Variants in PRKG1 observed in about 807,000 individuals in gnomAD.
PRKG1 encodes the protein cGMP-dependent protein kinase 1.
Under a neutral mutation model 88.1 loss-of-function variants are expected in PRKG1, and 35 were observed. The observed-to-expected ratio is 0.40, with a 90% CI of 0.30 to 0.53. PRKG1 has a LOEUF of 0.53. Ranked by LOEUF, PRKG1 falls within the 20% of genes least tolerant of loss-of-function variation. The probability of loss-of-function intolerance (pLI) is 0.59; values close to 1 mark genes in which losing one functional copy is unlikely to be tolerated. For synonymous variants in PRKG1, 303 were observed against 292.5 expected (o/e 1.04, Z -0.37); for missense variants, 540 against 839.8 (o/e 0.64, Z 4.41).
intron 4 of PRKG1, among the ~76,000 whole-genome samples, chr10:51,874,659 G>A (rs10508956): frequency 0.18 from 27,411 of 152,106 alleles, 3,059 homozygotes; most frequent in Non-Finnish European, 0.24. Flanking sequence ...ATAATCACAA[G>A]CTATAGCAAG....
intron 2 of PRKG1, among the ~76,000 whole-genome samples, chr10:51,341,486 G>A (rs541757305): frequency 6.6e-6 from 1 of 152,110 alleles, no homozygotes; most frequent in Non-Finnish European, 1.5e-5. Context: ...GATACTTTAA[G>A]GATCCCTAAC....
At chr10:51,679,720 T>A (rs1216704607) in intron 3 of PRKG1, among the ~76,000 whole-genome samples, 3 of 122,754 alleles carry the variant, frequency 2.4e-5, no homozygotes, top group South Asian at 5.1e-4. Context: ...TTTTTTTTTT[T>A]AATGTTTTTT....
At chr10:51,698,206 C>T (rs1308967155) in intron 3 of PRKG1, 2 of 1,614,148 alleles carry the variant, frequency 1.2e-6, no homozygotes, top group South Asian at 2.2e-5. Flanking sequence ...CCCTTGCTTC[C>T]ATCCCTCTGG....
At chr10:52,263,103 CT>C (rs1466818947) in intron 10 of PRKG1, among the ~76,000 whole-genome samples, 2 of 151,824 alleles carry the variant, frequency 1.3e-5, no homozygotes, top group Non-Finnish European at 2.9e-5. Context: ...ATTCATGATC[CT>C]AATTTTTTAA....
intron 4 of PRKG1, among the ~76,000 whole-genome samples, chr10:51,899,124 T>A (rs1841921920): frequency 6.6e-6 from 1 of 152,172 alleles, no homozygotes; most frequent in African/African-American, 2.4e-5. Flanking sequence ...CTTCTCTTAA[T>A]ATTATCTTGT....
At chr10:51,602,758 GTGTGT>G (rs1838645781) in intron 3 of PRKG1, among the ~76,000 whole-genome samples, 1 of 132,076 alleles carries the variant, frequency 7.6e-6, no homozygotes, top group Non-Finnish European at 1.5e-5. Context: ...GTGTGTGTGT[GTGTGT>G]GTGTGTGTGT....
intron 3 of PRKG1, among the ~76,000 whole-genome samples, chr10:51,611,248 G>A (rs1461131752): frequency 2.0e-5 from 3 of 151,990 alleles, no homozygotes; most frequent in African/African-American, 7.2e-5. Context: ...CACCAACAGT[G>A]TATAACAATT....
intron 4 of PRKG1, among the ~76,000 whole-genome samples, chr10:51,823,079 A>T (rs145897021): frequency 1.3e-5 from 2 of 152,260 alleles, no homozygotes; most frequent in Non-Finnish European, 2.9e-5. Context: ...AATAATATGT[A>T]TGCTTGGATA....
chr10:52,013,311 C>T (rs534476257), intron 5 of PRKG1, among the ~76,000 whole-genome samples: 179 of 151,696 alleles, frequency 1.2e-3, no homozygotes, highest in Admixed American at 1.8e-3. Flanking sequence ...ACCAGCTACT[C>T]GGGAGGCTGC....
At chr10:51,715,536 A>T (rs1023246024) in intron 3 of PRKG1, among the ~76,000 whole-genome samples, 6 of 152,130 alleles carry the variant, frequency 3.9e-5, no homozygotes, top group Non-Finnish European at 4.4e-5. Context: ...GGAGGGCATT[A>T]ATGTGTCCTG....
At chr10:51,568,071 T>C (rs1837653360) in intron 3 of PRKG1, among the ~76,000 whole-genome samples, 1 of 152,018 alleles carries the variant, frequency 6.6e-6, no homozygotes, top group Non-Finnish European at 1.5e-5. Context: ...GAATGTGTAA[T>C]TTAAATGGGA....
chr10:51,634,456 C>T (rs1322604546), intron 3 of PRKG1, among the ~76,000 whole-genome samples: 1 of 151,996 alleles, frequency 6.6e-6, no homozygotes, highest in Non-Finnish European at 1.5e-5. Flanking sequence ...AGGTTTAGAC[C>T]AGGGAAGATA....
chr10:51,197,921 A>G (rs758692369), intron 2 of PRKG1, among the ~76,000 whole-genome samples: 9 of 151,740 alleles, frequency 5.9e-5, no homozygotes, highest in Non-Finnish European at 1.2e-4. Context: ...TATCCTTTAG[A>G]CAAACATTCG....
At chr10:52,244,226 G>A (rs1414516627) in intron 9 of PRKG1, among the ~76,000 whole-genome samples, 8 of 151,896 alleles carry the variant, frequency 5.3e-5, no homozygotes, top group African/African-American at 1.9e-4. Flanking sequence ...AAACTTTATA[G>A]TAATAGGTAC....
chr10:51,054,771 A>G (rs969480811), intron 1 of PRKG1, among the ~76,000 whole-genome samples: 3 of 152,196 alleles, frequency 2.0e-5, no homozygotes, highest in Non-Finnish European at 2.9e-5. Context: ...TCTGAAGCCC[A>G]CAAGCTGTAT....
chr10:51,792,304 A>T (rs1015183328), intron 3 of PRKG1, among the ~76,000 whole-genome samples: 2 of 151,928 alleles, frequency 1.3e-5, no homozygotes, highest in Admixed American at 6.6e-5. Flanking sequence ...AAATCTACTT[A>T]TTTCTTAGAG....
At chr10:51,667,696 T>C (rs539402261) in intron 3 of PRKG1, among the ~76,000 whole-genome samples, 32 of 152,352 alleles carry the variant, frequency 2.1e-4, no homozygotes, top group African/African-American at 6.3e-4. Context: ...TATATTTCTA[T>C]ACTGCTCAAA....
intron 2 of PRKG1, among the ~76,000 whole-genome samples, chr10:51,203,562 AAAC>A (rs1168865130): frequency 4.6e-5 from 7 of 152,182 alleles, no homozygotes; most frequent in Admixed American, 3.3e-4. Flanking sequence ...CTGCAATGCT[AAAC>A]AAAAGCCTCC....
chr10:51,053,230 C>CAAAT (rs35287792), intron 1 of PRKG1, among the ~76,000 whole-genome samples: 41,945 of 142,382 alleles, frequency 0.29, 7,127 homozygotes, highest in East Asian at 0.43. Context: ...ACTCTTGTCT[C>CAAAT]AAATAAATAA....
Sources: gnomAD v4.1 joint callset for allele counts (sites outside exome capture counted in the v4.1 genomes callset) on GRCh38, gnomAD v4.1.1 for gene constraint, MANE v1.5 for transcripts, NCBI Gene and HGNC (gene_info 2026-07-23, HGNC 2026-07-21) for gene names.